Variants in SCN2B observed in about 807,000 individuals in gnomAD.
The protein encoded by SCN2B is sodium channel regulatory subunit beta-2.
Under a neutral mutation model 18.2 loss-of-function variants are expected in SCN2B, and 14 were observed. The ratio of observed to expected loss-of-function variants is 0.77; its 90% CI spans 0.51 to 1.21. The LOEUF (loss-of-function observed/expected upper bound fraction) is 1.21. Among genes scored for constraint, SCN2B ranks in the 50% most tolerant of loss-of-function variants. The pLI, the probability that SCN2B is intolerant of heterozygous loss-of-function variation, is 0.00. For missense variants in SCN2B, 262 were observed against 286.9 expected, an observed-to-expected ratio of 0.91 and a Z score of 0.63; for synonymous variants, 115 against 115.3, an observed-to-expected ratio of 1.00 and a Z score of 0.02.
Position 118,166,298 on chromosome 11 carries a change from C to T in SCN2B, c.*589G>A, listed in dbSNP as rs1948381595. The T allele has an allele frequency of 6.0e-6, 1 of 165,910 alleles. No individual in the cohort carries two copies. Among genetic ancestry groups the T allele is most frequent in the South Asian group, 1.6e-4 (1 of 6,360 alleles). The allele number at this position is 165,910 out of a possible 1,614,324, so 10.3% of individuals were successfully genotyped here. A position where few individuals can be genotyped will look rare whatever the true frequency, so the allele number is the denominator to read the frequency against. ...GGCCTCCTGGGCCAGGGCACATGTCCAGCTTTGCCTGCAGCCCTGGCTTTC... is the reference window on the plus strand; with the variant it reads ...GGCCTCCTGGGCCAGGGCACATGTCTAGCTTTGCCTGCAGCCCTGGCTTTC... On this transcript the variant is annotated 3_prime_UTR_variant, in exon 4 of 4. Transcript: ENST00000278947.
intron 1 of SCN2B, among the ~76,000 whole-genome samples, chr11:118,171,833 C>T (rs1948433730): frequency 6.6e-6 from 1 of 152,220 alleles, no homozygotes; most frequent in African/African-American, 2.4e-5. Flanking sequence ...ACGTCAAGTT[C>T]CATCCTGCGG....
chr11:118,176,363 C>T lies in SCN2B; in HGVS notation c.69G>A (p.Leu23=). ...AGCATGCAGATGTGTCTAACTTACC[C>T]AAAGAGAAAAAGAGACTGAGCCCCG... ...SLTGLSLFFS[L]VPPGRSMEVT... Residue 23 remains leucine (L), a splice_region_variant and synonymous_variant, in exon 1 of 4, where the codon TTG becomes TTA. Coordinates refer to ENST00000278947, the MANE Select transcript of SCN2B (RefSeq NM_004588.5). The T allele has an allele frequency of 2.5e-6, 4 of 1,613,756 alleles. No individual in the cohort carries two copies. Among genetic ancestry groups the T allele is most frequent in the Non-Finnish European group, 3.4e-6 (4 of 1,179,748 alleles).
intron 1 of SCN2B, among the ~76,000 whole-genome samples, chr11:118,172,892 G>T (rs1045674945): frequency 2.1e-5 from 3 of 144,038 alleles, no homozygotes; most frequent in Admixed American, 1.4e-4. Flanking sequence ...TTTCTTCTTG[G>T]TTTTTTTTTT....
At chr11:118,171,328 T>C (rs1163476996) in intron 1 of SCN2B, among the ~76,000 whole-genome samples, 1 of 152,216 alleles carries the variant, frequency 6.6e-6, no homozygotes, top group Non-Finnish European at 1.5e-5. Flanking sequence ...TGTACTTTCA[T>C]CGCCGTTCTG....
rs768191108 is a variant in SCN2B at position 118,168,130 on chromosome 11, G to A, written c.403C>T (p.Arg135Cys). ...TGGATCTTGCCATGGCCACGGTGGC[G>A]GTCAGGGGGGTTCATGATGTAGCAG... ...YNCYIMNPPD[R>C]HRGHGKIHLQ... The change falls in exon 3 of 4, where the codon CGC (arginine) becomes TGC (cysteine). Residue 135 changes from arginine (R) to cysteine (C), a missense_variant. Physicochemically the swap from Arg to Cys is radical, Grantham distance 180. Coordinates refer to ENST00000278947, the MANE Select transcript of SCN2B (RefSeq NM_004588.5). This position sits in a 1 kb window ranked among gnomAD's most constrained non-coding sequence, Gnocchi z 4.7. The A allele has an allele frequency of 6.8e-6, 11 of 1,614,132 alleles. No homozygotes were observed. The highest frequency in any genetic ancestry group is 7.6e-6 in the Non-Finnish European group (9 of 1,180,020).
rs1380534309 is a variant in SCN2B at position 118,166,947 on chromosome 11, CA to C, written c.587del (p.Leu196ArgfsTer64). The C allele has an allele frequency of 6.2e-7, 1 of 1,614,208 alleles. No individual in the cohort carries two copies. The highest frequency in any genetic ancestry group is 8.5e-7 in the Non-Finnish European group (1 of 1,180,046). On this transcript the variant is annotated frameshift_variant, in exon 4 of 4. Coordinates refer to ENST00000278947, the MANE Select transcript of SCN2B (RefSeq NM_004588.5). LOFTEE classifies it high-confidence loss of function. ...KKEQKLSTDD[L>X]KTEEEGKTDG... ...CCGTCTTGCCCTCCTCCTCGGTCTT[CA>C]GGTCATCTGTGCTCAGCTTCTGCTC...
intron 1 of SCN2B, among the ~76,000 whole-genome samples, chr11:118,175,727 A>G (rs1346860855): frequency 6.6e-6 from 1 of 152,040 alleles, no homozygotes; most frequent in African/African-American, 2.4e-5. Context: ...GAATCTCTAC[A>G]CCTGGCCCTT....
chr11:118,174,221 G>A (rs925594687), intron 1 of SCN2B, among the ~76,000 whole-genome samples: 2 of 146,070 alleles, frequency 1.4e-5, no homozygotes, highest in African/African-American at 5.1e-5. Flanking sequence ...ATACAGGCGT[G>A]AGCCACCATG....
rs1948364755 is a variant in SCN2B at position 118,164,888 on chromosome 11, T to G, written c.*1999A>C. 6.5e-6 allele frequency: 1 copy of G among 152,704 alleles called. No homozygotes were observed. Among genetic ancestry groups the G allele is most frequent in the Non-Finnish European group, 1.5e-5 (1 of 68,068 alleles). 9.5% of individuals were successfully genotyped at this position (152,704 alleles called of 1,614,324 possible). On this transcript the variant is annotated 3_prime_UTR_variant, in exon 4 of 4. Coordinates refer to ENST00000278947, the MANE Select transcript of SCN2B (RefSeq NM_004588.5). ...CTGTCTCCCCAAATTGGCAATCTGA[T>G]GGGCAGAGGCAGGGATTGGTCCCTG...
At chr11:118,169,405 C>A (rs143372412) in intron 1 of SCN2B, among the ~76,000 whole-genome samples, 63 of 152,278 alleles carry the variant, frequency 4.1e-4, no homozygotes, top group African/African-American at 1.5e-3. Flanking sequence ...TGGGCCAAAA[C>A]CCTTCCAGCT....
intron 1 of SCN2B, among the ~76,000 whole-genome samples, chr11:118,170,043 A>G (rs1254428955): frequency 1.3e-5 from 2 of 152,226 alleles, no homozygotes; most frequent in East Asian, 1.9e-4. Flanking sequence ...GATAAACAGC[A>G]GTGTTCAGCA....
chr11:118,167,018 C>G lies in SCN2B; in HGVS notation c.517G>C (p.Val173Leu). 6.2e-7 allele frequency: 1 copy of G among 1,613,972 alleles called. No homozygotes were observed. ...TTGACCACCATCAGCACCAAGATGA[C>G]CACAGCCAGGAAGCCCCCGACGGAG... ...GASVGGFLAVVILVLMVVKCV... is the reference protein window; with the variant it reads ...GASVGGFLAVLILVLMVVKCV... Residue 173 changes from valine to leucine, a missense_variant, in exon 4 of 4, where the codon GTC (valine) becomes CTC (leucine). Val to Leu is a conservative substitution (Grantham distance 32, BLOSUM62 1). Transcript: ENST00000278947.
chr11:118,168,754 G>T lies in SCN2B; in HGVS notation c.71-3C>A, dbSNP rs1203906660. 6.2e-7 allele frequency: 1 copy of T among 1,614,084 alleles called. No individual in the cohort carries two copies. The highest frequency in any genetic ancestry group is 8.5e-7 in the Non-Finnish European group (1 of 1,180,008). On this transcript the variant is annotated splice_region_variant and splice_polypyrimidine_tract_variant and intron_variant, in intron 1 of 3. Transcript: ENST00000278947. The surrounding 1 kb of genome is among the most constrained non-coding windows in gnomAD (Gnocchi z 4.7). ...CTCCATGCTCCGTCCTGGTGGCACT[G>T]CAGATGAAGCCACAAGCTGGTGAGG... is the stretch of plus-strand genomic sequence containing the variant.
At chr11:118,169,276 C>G (rs1242058841) in intron 1 of SCN2B, among the ~76,000 whole-genome samples, 1 of 152,180 alleles carries the variant, frequency 6.6e-6, no homozygotes, top group Non-Finnish European at 1.5e-5. Context: ...GTTAGGCACC[C>G]CTGCCCCCAC....
In SCN2B at chr11:118,166,862, G is replaced by T. The variant is rs75535056; in HGVS notation, c.*25C>A. The T allele has an allele frequency of 4.3e-6, 7 of 1,613,072 alleles. No homozygotes were observed. Among genetic ancestry groups the T allele is most frequent in the Non-Finnish European group, 5.9e-6 (7 of 1,179,838 alleles). On this transcript the variant is annotated 3_prime_UTR_variant, in exon 4 of 4. Transcript: ENST00000278947. ...GCGGAGAGGGGAGGAGACGGGACAC[G>T]GGAGGCTGCAGGGCCGGCCACCCAC...
intron 1 of SCN2B, among the ~76,000 whole-genome samples, chr11:118,171,464 T>G (rs1192857163): frequency 6.6e-6 from 1 of 152,196 alleles, no homozygotes; most frequent in Admixed American, 6.5e-5. Context: ...TTACCTCCCA[T>G]CCCAGGAATG....
Position 118,168,871 on chromosome 11 carries a change from G to A in SCN2B, c.71-120C>T, listed in dbSNP as rs1948407816. ...AGCAGAGCCACAGGGAGGGGACTGG[G>A]TCCCTGACAGCTCCAGTTAATCAGG... On this transcript the variant is annotated intron_variant, in intron 1 of 3. Coordinates refer to ENST00000278947, the MANE Select transcript of SCN2B (RefSeq NM_004588.5). The surrounding 1 kb of genome is among the most constrained non-coding windows in gnomAD (Gnocchi z 4.7). 3 of 1,035,784 alleles carry A rather than the reference G, an allele frequency of 2.9e-6. 1 individual carries two copies. In the South Asian group the frequency reaches 3.8e-5, roughly 13 times the overall value. The allele number at this position is 1,035,784 out of a possible 1,614,324, so 64.2% of individuals were successfully genotyped here.
intron 1 of SCN2B, among the ~76,000 whole-genome samples, chr11:118,176,019 A>G (rs1249207896): frequency 6.6e-6 from 1 of 152,190 alleles, no homozygotes; most frequent in African/African-American, 2.4e-5. Context: ...CCGCATTTGC[A>G]GCAACTCCAA....
intron 1 of SCN2B, among the ~76,000 whole-genome samples, chr11:118,175,982 C>G (rs981519268): frequency 7.2e-5 from 11 of 152,180 alleles, no homozygotes; most frequent in African/African-American, 2.7e-4. Flanking sequence ...AAAGAAGCCC[C>G]TTAAGGGAGC....
Sources: allele counts gnomAD v4.1 joint callset (sites outside exome capture counted in the v4.1 genomes callset), GRCh38; gene constraint gnomAD v4.1.1; non-coding constraint Gnocchi (gnomAD v3.1); transcripts MANE v1.5; gene names NCBI Gene and HGNC (gene_info 2026-07-23, HGNC 2026-07-21).